HTR5A: variants seen among roughly 807,000 people sequenced by gnomAD.
The protein encoded by HTR5A is 5-hydroxytryptamine receptor 5A.
HTR5A carries 21 observed loss-of-function variants against 24.3 expected under a neutral mutation model. That is an observed-to-expected ratio of 0.86 (90% CI 0.61 to 1.24). The LOEUF (loss-of-function observed/expected upper bound fraction) is 1.24, where lower values mean the gene tolerates loss of function less well. Ranked by LOEUF, HTR5A falls within the 50% of genes most tolerant of loss-of-function variation. HTR5A has a pLI of 0.00. For missense variants in HTR5A, 497 were observed against 489.5 expected (o/e 1.02, Z -0.15); for synonymous variants, 260 against 213.7 (o/e 1.22, Z -1.89).
chr7:155,072,770 G>A (rs1450895096), intron 1 of HTR5A, among the ~76,000 whole-genome samples: 2 of 152,132 alleles, frequency 1.3e-5, no homozygotes, highest in Admixed American at 1.3e-4. Flanking sequence ...GTGGTCTAGG[G>A]AGGGAAATAG....
In HTR5A at chr7:155,086,562, C is replaced by A. The variant is rs1033601687; in HGVS notation, c.*2075C>A. On this transcript the variant is annotated 3_prime_UTR_variant, in exon 2 of 2. Transcript: ENST00000287907. ...CATAAGATGGATAAGCCTCATTATT[C>A]TTATCACTCAATATGTATTTAACAC... 2.0e-5 allele frequency among the ~76,000 whole-genome samples: 3 copies of A among 152,150 alleles called. No individual in the cohort carries two copies. The highest frequency in any genetic ancestry group is 7.2e-5 in the African/African-American group (3 of 41,448).
intron 1 of HTR5A, 87 bp from the exon 2 acceptor site, chr7:155,084,068 G>A: frequency 1.8e-6 from 2 of 1,081,482 alleles, no homozygotes. Context: ...GAGTGGATGT[G>A]CGGAATCCAG....
intron 1 of HTR5A, among the ~76,000 whole-genome samples, chr7:155,073,865 G>GTATATATATATGTA (rs1795326998): frequency 5.2e-5 from 3 of 57,300 alleles, no homozygotes; most frequent in Middle Eastern, 7.6e-3. Context: ...GTGTGTGTGT[G>GTATATATATATGTA]TATATATATA....
chr7:155,084,748 G>A lies in HTR5A; in HGVS notation c.*261G>A, dbSNP rs1795457501. On this transcript the variant is annotated 3_prime_UTR_variant, in exon 2 of 2. Transcript: ENST00000287907. ...GACAGTCATGGTCTTTGCCCGCAAA[G>A]TGTCCTTTCCTCCCCAAATTCACTC... is the stretch of plus-strand genomic sequence containing the variant. The A allele has an allele frequency of 1.2e-5, 5 of 420,468 alleles. No homozygotes were observed. Among genetic ancestry groups the A allele is most frequent in the Admixed American group, 4.3e-5 (1 of 23,182 alleles). The allele number at this position is 420,468 out of a possible 1,614,324, so 26.0% of individuals were successfully genotyped here. A position where few individuals can be genotyped will look rare whatever the true frequency, so the allele number is the denominator to read the frequency against.
At chr7:155,080,515 G>A (rs949055914) in intron 1 of HTR5A, among the ~76,000 whole-genome samples, 1 of 152,220 alleles carries the variant, frequency 6.6e-6, no homozygotes, top group Non-Finnish European at 1.5e-5. Context: ...GGATCCCACG[G>A]AGAGTCTTCA....
At chr7:155,075,149 A>G (rs1795346942) in intron 1 of HTR5A, among the ~76,000 whole-genome samples, 1 of 152,208 alleles carries the variant, frequency 6.6e-6, no homozygotes, top group South Asian at 2.1e-4. Flanking sequence ...GTTCCGGGCT[A>G]AAGAGCACTC....
intron 1 of HTR5A, among the ~76,000 whole-genome samples, chr7:155,072,033 G>T (rs1364763756): frequency 6.6e-6 from 1 of 152,190 alleles, no homozygotes; most frequent in Non-Finnish European, 1.5e-5. Context: ...CCAGCACTTA[G>T]AATGGGGGTG....
Position 155,070,949 on chromosome 7 carries a change from C to A in HTR5A, c.50C>A (p.Pro17His). 1 of 1,609,576 alleles carries A rather than the reference C, an allele frequency of 6.2e-7. No individual in the cohort carries two copies. The highest frequency in any genetic ancestry group is 8.5e-7 in the Non-Finnish European group (1 of 1,180,000). The change falls in exon 1 of 2, where the codon CCT becomes CAT. Residue 17 changes from proline to histidine, a missense_variant. Pro to His is a moderately conservative substitution (Grantham distance 77). Transcript: ENST00000287907. ...LTSFSLSTPSPLETNHSLGKD... is the reference protein window; with the variant it reads ...LTSFSLSTPSHLETNHSLGKD... ...TCCTTTTCCCTCTCCACCCCCTCCC[C>A]TTTGGAGACCAACCACAGCCTCGGC... is the stretch of plus-strand genomic sequence containing the variant.
chr7:155,082,497 C>A (rs1243978560), intron 1 of HTR5A, among the ~76,000 whole-genome samples: 1 of 152,182 alleles, frequency 6.6e-6, no homozygotes, highest in Non-Finnish European at 1.5e-5. Flanking sequence ...CTTTATGTGA[C>A]CAGTGTGATA....
chr7:155,073,614 C>T (rs539107890), intron 1 of HTR5A, among the ~76,000 whole-genome samples: 54 of 151,912 alleles, frequency 3.6e-4, no homozygotes, highest in African/African-American at 1.2e-3. Context: ...AGACTGGTCA[C>T]CTCCAAGGGC....
At chr7:155,073,887 A>ATATATG (rs1554519624) in intron 1 of HTR5A, among the ~76,000 whole-genome samples, 1 of 124,466 alleles carries the variant, frequency 8.0e-6, no homozygotes, top group Non-Finnish European at 1.6e-5. Flanking sequence ...GTATATATAT[A>ATATATG]TGTATATATA....
intron 1 of HTR5A, among the ~76,000 whole-genome samples, chr7:155,073,270 G>A (rs1180012841): frequency 2.7e-5 from 4 of 146,648 alleles, no homozygotes; most frequent in Admixed American, 7.0e-5. Context: ...GCAGCTAGCC[G>A]AGATTGCGCC....
chr7:155,084,417 C>G lies in HTR5A; in HGVS notation c.1004C>G (p.Pro335Arg), dbSNP rs745821144. ...WLGYSNSFFNPLIYTAFNKNY... is the reference protein window; with the variant it reads ...WLGYSNSFFNRLIYTAFNKNY... ...GGCTACTCCAACTCCTTCTTTAACC[C>G]CCTGATCTATACGGCTTTCAACAAG... Residue 335 changes from proline to arginine, a missense_variant, in exon 2 of 2, where the codon CCC (proline) becomes CGC (arginine). Pro to Arg is a moderately radical substitution (Grantham distance 103). Transcript: ENST00000287907. 2 of 1,614,148 alleles carry G rather than the reference C, an allele frequency of 1.2e-6. No individual in the cohort carries two copies.
In HTR5A at chr7:155,070,485, G is replaced by GGTGAGAGC. The variant is rs1795275302; in HGVS notation, c.-413_-406dup. ...AGAAGGGTGGGCAGGGAGACAACGC[G>GGTGAGAGC]GTGAGAGCGACTGCTCTGACGCACC... On this transcript the variant is annotated 5_prime_UTR_variant, in exon 1 of 2. Coordinates refer to ENST00000287907, the MANE Select transcript of HTR5A (RefSeq NM_024012.4). 1 of 391,432 alleles carries GGTGAGAGC rather than the reference G, an allele frequency of 2.6e-6. No individual in the cohort carries two copies. Among genetic ancestry groups the GGTGAGAGC allele is most frequent in the South Asian group, 1.9e-5 (1 of 53,418 alleles). The allele number at this position is 391,432 out of a possible 1,614,324, so 24.2% of individuals were successfully genotyped here.
rs1165358943 is a variant in HTR5A at position 155,084,622 on chromosome 7, T to C, written c.*135T>C. 6.9e-6 allele frequency: 5 copies of C among 727,146 alleles called. No individual in the cohort carries two copies. The highest frequency in any genetic ancestry group is 9.0e-6 in the Non-Finnish European group (4 of 443,122). The allele number at this position is 727,146 out of a possible 1,614,324, so 45.0% of individuals were successfully genotyped here. ...CATTCTCCAGGGTCATCTTCAGAAC[T>C]GCACTGGCCTCTTTTCCACCTCCTC... On this transcript the variant is annotated 3_prime_UTR_variant, in exon 2 of 2. Transcript: ENST00000287907.
intron 1 of HTR5A, among the ~76,000 whole-genome samples, chr7:155,076,411 A>C (rs1345890134): frequency 5.3e-5 from 8 of 152,230 alleles, no homozygotes; most frequent in African/African-American, 1.9e-4. Context: ...TTAACTTAAT[A>C]TGGACCTACT....
At chr7:155,081,940 A>G (rs1275853509) in intron 1 of HTR5A, among the ~76,000 whole-genome samples, 7 of 152,258 alleles carry the variant, frequency 4.6e-5, no homozygotes, top group African/African-American at 1.7e-4. Flanking sequence ...ACAAGGTAAT[A>G]GAAAAATATG....
intron 1 of HTR5A, among the ~76,000 whole-genome samples, chr7:155,079,351 G>A (rs1486125415): frequency 1.3e-5 from 2 of 152,150 alleles, no homozygotes; most frequent in Admixed American, 6.5e-5. Flanking sequence ...ATGTGATTGT[G>A]TTTTTCCTGA....
At position 155,085,942 on chromosome 7, in the gene HTR5A, T is replaced by C. The variant is rs1795472428; in HGVS notation, c.*1455T>C. On this transcript the variant is annotated 3_prime_UTR_variant, in exon 2 of 2. Coordinates refer to ENST00000287907, the MANE Select transcript of HTR5A (RefSeq NM_024012.4). ...TAGACACCTGTGAAGTCACAATTAA[T>C]ATGCTAAATGCAGATCTTTATGCAT... 6.6e-6 allele frequency among the ~76,000 whole-genome samples: 1 copy of C among 152,206 alleles called. No homozygotes were observed. The highest frequency in any genetic ancestry group is 1.5e-5 in the Non-Finnish European group (1 of 68,038).
Sources: gnomAD v4.1 joint callset for allele counts (sites outside exome capture counted in the v4.1 genomes callset) on GRCh38, gnomAD v4.1.1 for gene constraint, MANE v1.5 for transcripts, NCBI Gene and HGNC (gene_info 2026-07-23, HGNC 2026-07-21) for gene names.